AGPS: variants seen among roughly 807,000 people sequenced by gnomAD.
AGPS encodes the protein alkyldihydroxyacetonephosphate synthase, peroxisomal.
Under a neutral mutation model 90.7 loss-of-function variants are expected in AGPS, and 26 were observed. That is an observed-to-expected ratio of 0.29 (90% CI 0.21 to 0.40). The LOEUF (loss-of-function observed/expected upper bound fraction) is 0.40. Among genes scored for constraint, AGPS ranks in the 10% least tolerant of loss-of-function variants. The pLI is 1.00. For synonymous variants in AGPS, 294 were observed against 285.3 expected, an observed-to-expected ratio of 1.03 and a Z score of -0.31; for missense variants, 540 against 816.1, an observed-to-expected ratio of 0.66 and a Z score of 4.12.
At chr2:177,507,696 A>C (rs1472955433) in intron 15 of AGPS, among the ~76,000 whole-genome samples, 1 of 152,190 alleles carries the variant, frequency 6.6e-6, no homozygotes, top group African/African-American at 2.4e-5. Context: ...AACTCCATTC[A>C]CTAAAGAAAT....
At chr2:177,455,673 AG>A (rs1274148226) in intron 8 of AGPS, among the ~76,000 whole-genome samples, 2 of 151,878 alleles carry the variant, frequency 1.3e-5, no homozygotes, top group Admixed American at 1.3e-4. Flanking sequence ...GTTTGGGTAG[AG>A]GGGGAAGTTC....
chr2:177,397,998 C>T (rs957713643), intron 1 of AGPS, among the ~76,000 whole-genome samples: 5 of 152,174 alleles, frequency 3.3e-5, no homozygotes, highest in Non-Finnish European at 5.9e-5. Context: ...CGTCATTGTA[C>T]TCCAGGCTGG....
chr2:177,453,084 TC>T (rs1282222646), intron 8 of AGPS, among the ~76,000 whole-genome samples: 2 of 151,992 alleles, frequency 1.3e-5, no homozygotes, highest in Non-Finnish European at 2.9e-5. Context: ...TCTGAAGAAG[TC>T]TTTATTTCAC....
intron 11 of AGPS, among the ~76,000 whole-genome samples, chr2:177,490,734 G>GTA (rs1344784046): frequency 1.3e-5 from 2 of 151,382 alleles, no homozygotes; most frequent in African/African-American, 4.9e-5. Flanking sequence ...TGAAAGACTG[G>GTA]TACAGTGATC....
chr2:177,499,543 G>C (rs563348358), intron 13 of AGPS, 75 bp from the exon 14 acceptor site: 2 of 1,034,156 alleles, frequency 1.9e-6, no homozygotes, highest in Admixed American at 3.8e-5. Context: ...AGAAGGAAAA[G>C]AGCAAAATGT....
Position 177,436,340 on chromosome 2 carries a change from C to T in AGPS, c.442-424C>T, listed in dbSNP as rs576759922. Among the ~76,000 whole-genome samples, 8 of 151,730 alleles carry T rather than the reference C, an allele frequency of 5.3e-5. No individual in the cohort carries two copies. The South Asian group carries it at 6.2e-4, about 12-fold the overall frequency. On this transcript the variant is annotated intron_variant, in intron 3 of 19. Coordinates refer to ENST00000264167, the MANE Select transcript of AGPS (RefSeq NM_003659.4). ...CTAATTTTTGTATTTTTAGTAGAGG[C>T]GAGGTTTCACCATGTTAGCCAGGAT...
At chr2:177,455,730 A>G (rs1027521743) in intron 8 of AGPS, among the ~76,000 whole-genome samples, 2 of 151,274 alleles carry the variant, frequency 1.3e-5, no homozygotes, top group Middle Eastern at 3.2e-3. Context: ...ATTATTCTGT[A>G]TAATTTAATT....
chr2:177,531,069 C>CT (rs34939909), intron 19 of AGPS, among the ~76,000 whole-genome samples: 1 of 151,914 alleles, frequency 6.6e-6, no homozygotes, highest in Non-Finnish European at 1.5e-5. Flanking sequence ...CTGCTGTTAC[C>CT]TTTTTTTGGT....
chr2:177,536,110 G>C (rs906294819), intron 19 of AGPS, among the ~76,000 whole-genome samples: 2 of 152,112 alleles, frequency 1.3e-5, no homozygotes, highest in Non-Finnish European at 2.9e-5. Flanking sequence ...CTTCTCAGAC[G>C]ATGGTTCAGT....
intron 19 of AGPS, among the ~76,000 whole-genome samples, chr2:177,532,321 T>C (rs1371889216): frequency 6.6e-6 from 1 of 152,152 alleles, no homozygotes; most frequent in Non-Finnish European, 1.5e-5. Context: ...AAAATTTCAC[T>C]GAAGAAGATA....
chr2:177,465,731 G>A (rs766096483), intron 9 of AGPS, among the ~76,000 whole-genome samples: 5 of 152,232 alleles, frequency 3.3e-5, no homozygotes, highest in African/African-American at 7.2e-5. Context: ...GCTTGGAGAC[G>A]CCAGGGACTG....
chr2:177,445,631 GTTAT>G lies in AGPS; in HGVS notation c.870+12_870+15del. 6.4e-7 allele frequency: 1 copy of G among 1,569,312 alleles called. No individual in the cohort carries two copies. Among genetic ancestry groups the G allele is most frequent in the Non-Finnish European group, 8.6e-7 (1 of 1,158,032 alleles). On this transcript the variant is annotated splice_donor_region_variant and intron_variant, in intron 8 of 19. Coordinates refer to ENST00000264167, the MANE Select transcript of AGPS (RefSeq NM_003659.4). Reference sequence around the variant, plus strand: ...GGACAAGAGTTGGAAAGACAGGTATGTTATTTATTTTTCTTATTTTTTTAAATTA... The same window carrying G: ...GGACAAGAGTTGGAAAGACAGGTATGTTATTTTTCTTATTTTTTTAAATTA...
At chr2:177,505,426 C>A (rs1688680826) in intron 14 of AGPS, 80 bp from the exon 15 acceptor site, 9 of 1,248,542 alleles carry the variant, frequency 7.2e-6, no homozygotes, top group Admixed American at 1.7e-5. Context: ...CAAACTTATT[C>A]TCTTGACAGC....
At chr2:177,537,403 G>A (rs1452601727) in intron 19 of AGPS, among the ~76,000 whole-genome samples, 1 of 152,074 alleles carries the variant, frequency 6.6e-6, no homozygotes, top group Non-Finnish European at 1.5e-5. Context: ...AAAAGATTAA[G>A]TTTACGATGG....
chr2:177,424,362 T>C (rs549961078), intron 2 of AGPS, among the ~76,000 whole-genome samples: 4 of 152,202 alleles, frequency 2.6e-5, no homozygotes, highest in East Asian at 1.9e-4. Context: ...CAGTCAATCA[T>C]TGATGGACAT....
At chr2:177,512,926 C>T (rs1182650065) in intron 16 of AGPS, among the ~76,000 whole-genome samples, 15 of 152,040 alleles carry the variant, frequency 9.9e-5, no homozygotes, top group Admixed American at 9.8e-4. Flanking sequence ...TCACTGCAAC[C>T]TCAACCTCCC....
chr2:177,393,186 C>A, intron 1 of AGPS, 137 bp downstream of exon 1: 1 of 1,543,866 alleles, frequency 6.5e-7, no homozygotes, highest in Non-Finnish European at 8.7e-7. Flanking sequence ...TAGGGACCCA[C>A]CTCTCTTTCG....
intron 1 of AGPS, among the ~76,000 whole-genome samples, chr2:177,395,301 A>G (rs1685141464): frequency 6.6e-6 from 1 of 152,176 alleles, no homozygotes; most frequent in Non-Finnish European, 1.5e-5. Flanking sequence ...GTGACTGGTC[A>G]GGGATGCCCT....
At chr2:177,510,231 C>G (rs1173577532) in intron 16 of AGPS, among the ~76,000 whole-genome samples, 1 of 152,050 alleles carries the variant, frequency 6.6e-6, no homozygotes, top group East Asian at 1.9e-4. Flanking sequence ...TGGTGAAGGC[C>G]TTCTTCCTGG....
Sources: gnomAD v4.1 joint callset for allele counts (sites outside exome capture counted in the v4.1 genomes callset) on GRCh38, gnomAD v4.1.1 for gene constraint, MANE v1.5 for transcripts, NCBI Gene and HGNC (gene_info 2026-07-23, HGNC 2026-07-21) for gene names.